FAM98C: variants seen among roughly 807,000 people sequenced by gnomAD.
FAM98C encodes the protein protein FAM98C.
A neutral mutation model predicts 41.1 loss-of-function variants in FAM98C; 38 were observed. The ratio of observed to expected loss-of-function variants is 0.92; its 90% CI spans 0.71 to 1.21. The LOEUF (loss-of-function observed/expected upper bound fraction) is 1.21, where lower values mean the gene tolerates loss of function less well. Ranked by LOEUF, FAM98C falls within the 50% of genes most tolerant of loss-of-function variation. FAM98C has a pLI of 0.00. For missense variants in FAM98C, 493 were observed against 484.7 expected, an observed-to-expected ratio of 1.02 and a Z score of -0.16; for synonymous variants, 195 against 216.7, an observed-to-expected ratio of 0.90 and a Z score of 0.88.
Position 38,405,370 on chromosome 19 carries a change from C to A in FAM98C, c.582C>A (p.Pro194=), listed in dbSNP as rs547434902. The A allele has an allele frequency of 6.2e-7, 1 of 1,614,046 alleles. No homozygotes were observed. Among genetic ancestry groups the A allele is most frequent in the Non-Finnish European group, 8.5e-7 (1 of 1,180,012 alleles). The change falls in exon 5 of 8, where the codon CCC becomes CCA. Residue 194 remains proline (P), a synonymous_variant. Transcript: ENST00000252530. The stretch of plus-strand genomic sequence containing the variant: ...TCTCAGAGCTGCAGCCTTCTCTGCC[C>A]CCAGGGTCCCTGCAGCCCCTCCTCA... The part of the protein sequence containing the change: ...AKISELQPSL[P]PGSLQPLLSC...
Position 38,405,725 on chromosome 19 carries a change from A to G in FAM98C, c.750+90A>G. The G allele has an allele frequency of 2.4e-6, 3 of 1,246,882 alleles. No homozygotes were observed. In the South Asian group the frequency reaches 3.6e-5, roughly 15 times the overall value. 77.2% of individuals were successfully genotyped at this position (1,246,882 alleles called of 1,614,324 possible). A position where few individuals can be genotyped will look rare whatever the true frequency, so the allele number is the denominator to read the frequency against. ...AGGAGGAATGAGGGCCAGGAGTATCACCCTCTTGCAGGTTCTCAGGCCATG... is the reference window on the plus strand; with the variant it reads ...AGGAGGAATGAGGGCCAGGAGTATCGCCCTCTTGCAGGTTCTCAGGCCATG... On this transcript the variant is annotated intron_variant, in intron 6 of 7. Transcript: ENST00000252530.
intron 3 of FAM98C, 47 bp from the exon 4 acceptor site, chr19:38,404,861 T>A (rs200230412): frequency 1.3e-5 from 21 of 1,605,834 alleles, no homozygotes; most frequent in Admixed American, 1.7e-5. Context: ...GATGGATGAG[T>A]GGGTAGCAGC....
At chr19:38,406,631 A>G in intron 6 of FAM98C, 1 of 325,486 alleles carries the variant, frequency 3.1e-6, no homozygotes, top group Non-Finnish European at 5.7e-6. Flanking sequence ...TAAAAAAAAA[A>G]AAATTAGCTG....
intron 3 of FAM98C, among the ~76,000 whole-genome samples, chr19:38,404,439 G>A (rs1029174972): frequency 2.6e-5 from 4 of 152,052 alleles, no homozygotes; most frequent in Non-Finnish European, 4.4e-5. Context: ...GGCTTCAAGC[G>A]ATCCTCCCAC....
intron 1 of FAM98C, 50 bp downstream of exon 1, chr19:38,403,268 C>A: frequency 6.5e-7 from 1 of 1,530,682 alleles, no homozygotes; most frequent in East Asian, 2.6e-5. Context: ...CCAGGTCTGC[C>A]CCCTGGACGC....
At chr19:38,406,591 C>T (rs1404999499) in intron 6 of FAM98C, 2 of 229,980 alleles carry the variant, frequency 8.7e-6, no homozygotes, top group Non-Finnish European at 1.8e-5. Context: ...CCTTGGGCAA[C>T]ATAGCAAGAC....
At chr19:38,403,818 A>T in intron 3 of FAM98C, 124 bp downstream of exon 3, 1 of 1,173,086 alleles carries the variant, frequency 8.5e-7, no homozygotes, top group African/African-American at 1.6e-5. Context: ...AGAGGGTACG[A>T]GGTGGGTGGG....
Position 38,405,492 on chromosome 19 carries a change from G to C in FAM98C, c.634-27G>C, listed in dbSNP as rs377183116. 3 of 1,613,898 alleles carry C rather than the reference G, an allele frequency of 1.9e-6. No homozygotes were observed. The African/African-American group carries it at 4.0e-5, about 22-fold the overall frequency. On this transcript the variant is annotated intron_variant, in intron 5 of 7. Coordinates refer to ENST00000252530, the MANE Select transcript of FAM98C (RefSeq NM_174905.4). ...GAGGTGGCAGTGAGAGGGACCCCTAGCCTGACCTTGAGACCTTTTCTCCCA... is the reference window on the plus strand; with the variant it reads ...GAGGTGGCAGTGAGAGGGACCCCTACCCTGACCTTGAGACCTTTTCTCCCA...
chr19:38,406,095 TCTGC>T (rs1231525063), intron 6 of FAM98C: 1 of 160,958 alleles, frequency 6.2e-6, no homozygotes, highest in African/African-American at 2.4e-5. Flanking sequence ...GACCTTGTGA[TCTGC>T]CTGTCTTGGC....
chr19:38,407,211 C>T (rs1971053288), intron 7 of FAM98C, 134 bp downstream of exon 7: 3 of 1,053,410 alleles, frequency 2.8e-6, no homozygotes, highest in Non-Finnish European at 4.1e-6. Flanking sequence ...AAGGACCTCG[C>T]TCACACAAAA....
chr19:38,405,842 C>T (rs1038389156), intron 6 of FAM98C: 2 of 569,998 alleles, frequency 3.5e-6, no homozygotes, highest in Non-Finnish European at 3.1e-6. Context: ...GCAGTATATT[C>T]AGAGGCATAC....
intron 6 of FAM98C, 138 bp downstream of exon 6, chr19:38,405,773 T>TTTGGG: frequency 3.9e-6 from 3 of 770,138 alleles, no homozygotes; most frequent in Non-Finnish European, 6.3e-6. Flanking sequence ...TTTTTTGAGG[T>TTTGGG]TTGGGGCTCC....
In FAM98C at chr19:38,408,823, A is replaced by T; in HGVS notation, c.991A>T (p.Ser331Cys). Residue 331 changes from serine to cysteine, a missense_variant, in exon 8 of 8, where the codon AGC (serine) becomes TGC (cysteine). Coordinates refer to ENST00000252530, the MANE Select transcript of FAM98C (RefSeq NM_174905.4). ...GGAGCCTCCCATGCCCACCTGGAGGAGCCGAAGAGAGGATGGAGGCCCCCA... is the reference window on the plus strand; with the variant it reads ...GGAGCCTCCCATGCCCACCTGGAGGTGCCGAAGAGAGGATGGAGGCCCCCA... ...ELEPPMPTWR[S>C]RREDGGPQCW... The T allele has an allele frequency of 6.2e-7, 1 of 1,610,334 alleles. No homozygotes were observed. The highest frequency in any genetic ancestry group is 8.5e-7 in the Non-Finnish European group (1 of 1,178,858).
chr19:38,407,319 G>T, intron 7 of FAM98C: 1 of 487,352 alleles, frequency 2.1e-6, no homozygotes, highest in Non-Finnish European at 3.7e-6. Context: ...TACTTCTCCA[G>T]CTTGGGCTTA....
chr19:38,404,732 T>C (rs1319263739), intron 3 of FAM98C, 176 bp from the exon 4 acceptor site: 9 of 671,502 alleles, frequency 1.3e-5, no homozygotes, highest in African/African-American at 8.9e-5. Flanking sequence ...AGTTTCACCA[T>C]GTTGGCCAGG....
chr19:38,409,048 A>G lies in FAM98C; in HGVS notation c.*166A>G, dbSNP rs1188435998. 7 of 597,992 alleles carry G rather than the reference A, an allele frequency of 1.2e-5. No homozygotes were observed. The highest frequency in any genetic ancestry group is 1.9e-5 in the Non-Finnish European group (7 of 374,454). The allele number at this position is 597,992 out of a possible 1,614,324, so 37.0% of individuals were successfully genotyped here. A position where few individuals can be genotyped will look rare whatever the true frequency, so the allele number is the denominator to read the frequency against. Reference sequence around the variant, plus strand: ...TGCTCCCATTCACGTCAATACCAAGAACCATGTTCTCCAGAGAATAAATTT... The same window carrying G: ...TGCTCCCATTCACGTCAATACCAAGGACCATGTTCTCCAGAGAATAAATTT... On this transcript the variant is annotated 3_prime_UTR_variant, in exon 8 of 8. Transcript: ENST00000252530.
In FAM98C at chr19:38,403,193, G is replaced by A. The variant is rs1483029425; in HGVS notation, c.40G>A (p.Val14Met). Reference sequence around the variant, plus strand: ...GGCGGAAGCGTGGGAGGGGGCCGCGGTGGCCCAGGACCTGCTGGCTCTGGG... The same window carrying A: ...GGCGGAAGCGTGGGAGGGGGCCGCGATGGCCCAGGACCTGCTGGCTCTGGG... ...VKAEAWEGAAVAQDLLALGYG... is the reference protein window; with the variant it reads ...VKAEAWEGAAMAQDLLALGYG... The change falls in exon 1 of 8, where the codon GTG becomes ATG. Residue 14 changes from valine to methionine, a missense_variant. Physicochemically the swap from Val to Met is conservative, Grantham distance 21. Transcript: ENST00000252530. The A allele has an allele frequency of 1.9e-6, 3 of 1,540,990 alleles. No individual in the cohort carries two copies. In the African/African-American group the frequency reaches 4.3e-5, roughly 22 times the overall value.
In FAM98C at chr19:38,406,990, C is replaced by T. The variant is rs372902479; in HGVS notation, c.831C>T (p.His277=). 2.0e-5 allele frequency: 32 copies of T among 1,614,070 alleles called. No homozygotes were observed. Among genetic ancestry groups the T allele is most frequent in the Non-Finnish European group, 2.7e-5 (32 of 1,180,050 alleles). Residue 277 remains histidine (H), a synonymous_variant, in exon 7 of 8, where the codon CAC becomes CAT. Coordinates refer to ENST00000252530, the MANE Select transcript of FAM98C (RefSeq NM_174905.4). ...LTPESDISIA[H]VLAARADLSC... is the part of the protein sequence containing the mutation. ...CAGAATCGGACATCTCCATTGCACA[C>T]GTTCTGGCTGCCCGAGCCGACCTGT...
intron 2 of FAM98C, 25 bp downstream of exon 2, chr19:38,403,511 AG>A: frequency 5.6e-6 from 8 of 1,419,020 alleles, no homozygotes; most frequent in Admixed American, 3.2e-5. Context: ...GGAGGGTGGC[AG>A]GGGGGCCGCC....
Sources: allele counts gnomAD v4.1 joint callset (sites outside exome capture counted in the v4.1 genomes callset), GRCh38; gene constraint gnomAD v4.1.1; transcripts MANE v1.5; gene names NCBI Gene and HGNC (gene_info 2026-07-23, HGNC 2026-07-21).